PCDH15: variants seen among roughly 807,000 people sequenced by gnomAD.
The protein encoded by PCDH15 is protocadherin-15.
Under a neutral mutation model 178.5 loss-of-function variants are expected in PCDH15, and 129 were observed. That is an observed-to-expected ratio of 0.72 (90% CI 0.63 to 0.84). The LOEUF is 0.84. PCDH15 is among the 40% of genes least tolerant of loss of function. The pLI, the probability that PCDH15 is intolerant of heterozygous loss-of-function variation, is 0.00. For missense variants in PCDH15, 2,230 were observed against 2,099.9 expected, an observed-to-expected ratio of 1.06 and a Z score of -1.21; for synonymous variants, 800 against 732.0, an observed-to-expected ratio of 1.09 and a Z score of -1.50.
At chr10:54,409,789 C>T (rs1008561585) in intron 3 of PCDH15, among the ~76,000 whole-genome samples, 12 of 151,838 alleles carry the variant, frequency 7.9e-5, no homozygotes, top group Non-Finnish European at 1.6e-4. Flanking sequence ...TAGAGTTAGT[C>T]CCCCATGTTG....
At chr10:54,329,776 A>T in intron 6 of PCDH15, 70 bp from the exon 7 acceptor site, 1 of 1,040,860 alleles carries the variant, frequency 9.6e-7, no homozygotes, top group Non-Finnish European at 1.5e-6. Context: ...AATATTTTGG[A>T]TTAATCCTCT....
At chr10:55,052,919 A>T (rs1193246002) in intron 2 of PCDH15, among the ~76,000 whole-genome samples, 2 of 152,160 alleles carry the variant, frequency 1.3e-5, no homozygotes, top group Non-Finnish European at 2.9e-5. Context: ...GCTGACATAG[A>T]ATGAAATTTG....
intron 1 of PCDH15, among the ~76,000 whole-genome samples, chr10:55,185,696 A>T (rs960123287): frequency 1.3e-5 from 2 of 151,742 alleles, no homozygotes; most frequent in African/African-American, 4.8e-5. Context: ...TTTGTTTTCT[A>T]TGCATGAACA....
chr10:54,785,243 T>C (rs1950747586), intron 1 of PCDH15, among the ~76,000 whole-genome samples: 2 of 152,094 alleles, frequency 1.3e-5, no homozygotes, highest in South Asian at 4.1e-4. Context: ...TATTTTTTTC[T>C]TTCTGATACA....
intron 1 of PCDH15, among the ~76,000 whole-genome samples, chr10:54,774,107 C>A (rs1046550750): frequency 6.8e-6 from 1 of 146,142 alleles, no homozygotes; most frequent in East Asian, 2.1e-4. Context: ...CGGCTCACTG[C>A]AAGCTCCGCC....
intron 2 of PCDH15, among the ~76,000 whole-genome samples, chr10:55,153,719 T>C (rs909981951): frequency 6.6e-6 from 1 of 152,114 alleles, no homozygotes; most frequent in Non-Finnish European, 1.5e-5. Flanking sequence ...ACAAAACCAG[T>C]TTCATGTAGT....
chr10:55,491,263 C>T (rs978043886), intron 2 of PCDH15, among the ~76,000 whole-genome samples: 1 of 151,690 alleles, frequency 6.6e-6, no homozygotes, highest in Non-Finnish European at 1.5e-5. Context: ...GATAGAGTGC[C>T]AGTATTTTTC....
intron 1 of PCDH15, among the ~76,000 whole-genome samples, chr10:54,767,381 T>C (rs532892844): frequency 3.3e-5 from 5 of 152,150 alleles, no homozygotes; most frequent in Non-Finnish European, 5.9e-5. Context: ...AATAAGTGTT[T>C]AGATCAATTA....
At chr10:54,259,043 G>A (rs2057122074) in intron 8 of PCDH15, among the ~76,000 whole-genome samples, 2 of 152,010 alleles carry the variant, frequency 1.3e-5, no homozygotes, top group Non-Finnish European at 2.9e-5. Context: ...TATATTTATA[G>A]AAAATCTTCT....
intron 4 of PCDH15, among the ~76,000 whole-genome samples, chr10:54,370,000 C>A (rs1468243911): frequency 6.6e-6 from 1 of 151,896 alleles, no homozygotes; most frequent in Non-Finnish European, 1.5e-5. Context: ...ATGAACTACT[C>A]CAGGCTATTA....
At chr10:55,496,333 C>A (rs1351016102) in intron 2 of PCDH15, among the ~76,000 whole-genome samples, 2 of 151,792 alleles carry the variant, frequency 1.3e-5, no homozygotes, top group Non-Finnish European at 2.9e-5. Flanking sequence ...GACATAGACA[C>A]AGGCCTGGCT....
At chr10:54,720,109 G>A (rs1278912494) in intron 1 of PCDH15, among the ~76,000 whole-genome samples, 1 of 152,044 alleles carries the variant, frequency 6.6e-6, no homozygotes, top group African/African-American at 2.4e-5. Flanking sequence ...ATGTAAATTA[G>A]TTCAACCATT....
chr10:53,858,407 A>G (rs1375544760), intron 27 of PCDH15, among the ~76,000 whole-genome samples: 1 of 152,152 alleles, frequency 6.6e-6, no homozygotes, highest in African/African-American at 2.4e-5. Context: ...AATGATAGAA[A>G]GAAGTGTAAG....
chr10:55,148,811 T>C (rs1348525902), intron 2 of PCDH15, among the ~76,000 whole-genome samples: 1 of 149,602 alleles, frequency 6.7e-6, no homozygotes, highest in African/African-American at 2.4e-5. Flanking sequence ...GAGAATTTTA[T>C]ACAGCAGTCT....
chr10:55,407,022 G>C (rs1455525788), intron 2 of PCDH15, among the ~76,000 whole-genome samples: 1 of 152,106 alleles, frequency 6.6e-6, no homozygotes, highest in African/African-American at 2.4e-5. Context: ...AATGACCATT[G>C]AATTTGTCAA....
intron 35 of PCDH15, among the ~76,000 whole-genome samples, chr10:53,812,937 G>A (rs189740005): frequency 3.9e-5 from 6 of 152,280 alleles, no homozygotes; most frequent in East Asian, 1.9e-4. Flanking sequence ...TGTCATTTGC[G>A]AAGTGTGGAA....
chr10:55,474,177 A>G (rs942150319), intron 2 of PCDH15, among the ~76,000 whole-genome samples: 1 of 152,228 alleles, frequency 6.6e-6, no homozygotes, highest in African/African-American at 2.4e-5. Context: ...TTGGGTAAAA[A>G]TAAGTAAAAA....
intron 2 of PCDH15, among the ~76,000 whole-genome samples, chr10:55,386,337 A>G (rs1407653651): frequency 2.6e-5 from 4 of 152,076 alleles, no homozygotes; most frequent in Non-Finnish European, 5.9e-5. Context: ...TCTTCAAGCC[A>G]TGTATCAAGT....
chr10:54,506,943 T>G (rs2081221244), intron 3 of PCDH15, among the ~76,000 whole-genome samples: 1 of 152,030 alleles, frequency 6.6e-6, no homozygotes, highest in African/African-American at 2.4e-5. Flanking sequence ...CATGATTTTT[T>G]TTTGATCAAC....
Sources: gnomAD v4.1 joint callset for allele counts (sites outside exome capture counted in the v4.1 genomes callset) on GRCh38, gnomAD v4.1.1 for gene constraint, MANE v1.5 for transcripts, NCBI Gene and HGNC (gene_info 2026-07-23, HGNC 2026-07-21) for gene names.